Variants in XYLT1 observed in about 807,000 individuals in gnomAD.
The protein encoded by XYLT1 is xylosyltransferase 1, also known as beta-D-xylosyltransferase 1.
XYLT1 carries 36 observed loss-of-function variants against 91.3 expected under a neutral mutation model. The observed-to-expected ratio is 0.39, with a 90% CI of 0.30 to 0.52. The LOEUF (loss-of-function observed/expected upper bound fraction) is 0.52. Among genes scored for constraint, XYLT1 ranks in the 20% least tolerant of loss-of-function variants. The pLI is 0.68. For synonymous variants in XYLT1, 588 were observed against 532.0 expected (o/e 1.11, Z -1.45); for missense variants, 1,242 against 1,284.5 (o/e 0.97, Z 0.51).
chr16:17,292,242 G>A (rs1409832558), intron 2 of XYLT1, among the ~76,000 whole-genome samples: 2 of 152,004 alleles, frequency 1.3e-5, no homozygotes, highest in Non-Finnish European at 2.9e-5. Context: ...GGTTTTATGA[G>A]AGATATGACC....
intron 1 of XYLT1, among the ~76,000 whole-genome samples, chr16:17,465,233 A>C (rs1015996097): frequency 6.6e-6 from 1 of 151,294 alleles, no homozygotes; most frequent in Admixed American, 6.6e-5. Flanking sequence ...AAGGAACGCA[A>C]CTCGGAAAGG....
chr16:17,399,138 A>G (rs75866801), intron 1 of XYLT1, among the ~76,000 whole-genome samples: 3 of 152,078 alleles, frequency 2.0e-5, no homozygotes, highest in Admixed American at 6.5e-5. Flanking sequence ...TCAACTTCCA[A>G]TGTACTGGAA....
chr16:17,374,095 A>C (rs981627281), intron 1 of XYLT1, among the ~76,000 whole-genome samples: 50 of 152,232 alleles, frequency 3.3e-4, no homozygotes, highest in Admixed American at 2.0e-4. Context: ...TGGCTGCCAA[A>C]GAATGAGTGA....
chr16:17,470,423 G>A lies in XYLT1; in HGVS notation c.363+11C>T. 8.1e-7 allele frequency: 1 copy of A among 1,228,900 alleles called. No individual in the cohort carries two copies. Among genetic ancestry groups the A allele is most frequent in the Non-Finnish European group, 1.0e-6 (1 of 985,472 alleles). 76.1% of individuals were successfully genotyped at this position (1,228,900 alleles called of 1,614,324 possible). A position where few individuals can be genotyped will look rare whatever the true frequency, so the allele number is the denominator to read the frequency against. ...CCTCGCCGCGGGGCGCGAGCCGAAA[G>A]GGCATCTTACCAGAGCCCGGGCGGG... On this transcript the variant is annotated intron_variant, in intron 1 of 11. Coordinates refer to ENST00000261381, the MANE Select transcript of XYLT1 (RefSeq NM_022166.4).
chr16:17,140,689 A>C (rs1174974391), intron 7 of XYLT1, among the ~76,000 whole-genome samples: 1 of 123,384 alleles, frequency 8.1e-6, no homozygotes, highest in African/African-American at 3.0e-5. Flanking sequence ...AAAAAAAAAA[A>C]AAGTTGATGT....
chr16:17,437,167 T>C (rs952167147), intron 1 of XYLT1, among the ~76,000 whole-genome samples: 2 of 152,074 alleles, frequency 1.3e-5, no homozygotes, highest in African/African-American at 4.8e-5. Flanking sequence ...TTAGACTACA[T>C]TTGGAACACT....
chr16:17,165,166 A>G (rs1039435714), intron 5 of XYLT1, among the ~76,000 whole-genome samples: 1 of 152,248 alleles, frequency 6.6e-6, no homozygotes, highest in African/African-American at 2.4e-5. Context: ...CATCATCATC[A>G]TCTAACACTT....
In XYLT1 at chr16:17,352,102, C is replaced by T. The variant is rs545074043; in HGVS notation, c.402+5910G>A. Among the ~76,000 whole-genome samples the T allele has an allele frequency of 2.0e-5, 3 of 152,254 alleles. 1 individual carries two copies. In the South Asian group the frequency reaches 6.2e-4, roughly 32 times the overall value. On this transcript the variant is annotated intron_variant, in intron 2 of 11. Coordinates refer to ENST00000261381, the MANE Select transcript of XYLT1 (RefSeq NM_022166.4). ...GTCACTGCACTTCCAGCCTGGTTGA[C>T]AGAGTGACAGAGCAAGACTCTCTCA...
intron 1 of XYLT1, among the ~76,000 whole-genome samples, chr16:17,366,774 T>A (rs1032685507): frequency 4.6e-5 from 7 of 152,120 alleles, no homozygotes; most frequent in Non-Finnish European, 7.4e-5. Context: ...TTACAGATGG[T>A]GTAATTGAGG....
chr16:17,443,829 C>A (rs559300562), intron 1 of XYLT1, among the ~76,000 whole-genome samples: 1 of 152,290 alleles, frequency 6.6e-6, no homozygotes, highest in South Asian at 2.1e-4. Context: ...CATATCTAGA[C>A]TAGAGGGTTT....
Position 17,108,364 on chromosome 16 carries a change from C to A in XYLT1, c.*331G>T, listed in dbSNP as rs116076710. 5,267 of 259,710 alleles carry A rather than the reference C, an allele frequency of 0.02. 162 individuals carry two copies. Among genetic ancestry groups the A allele is most frequent in the South Asian group, 0.087 (559 of 6,400 alleles). The allele number at this position is 259,710 out of a possible 1,614,324, so 16.1% of individuals were successfully genotyped here. A position where few individuals can be genotyped will look rare whatever the true frequency, so the allele number is the denominator to read the frequency against. ...GCTCCGTAAACGAAGTTCTGCTGCT[C>A]GAAAGAAAAGTCTGAAAATCACACG... On this transcript the variant is annotated 3_prime_UTR_variant, in exon 12 of 12. Coordinates refer to ENST00000261381, the MANE Select transcript of XYLT1 (RefSeq NM_022166.4).
intron 5 of XYLT1, among the ~76,000 whole-genome samples, chr16:17,189,994 C>A (rs536265487): frequency 6.6e-5 from 10 of 152,244 alleles, no homozygotes; most frequent in Non-Finnish European, 1.5e-4. Context: ...TGCAGTGAGC[C>A]AAGATCGTGC....
chr16:17,338,651 G>A (rs546144316), intron 2 of XYLT1: 70 of 375,922 alleles, frequency 1.9e-4, no homozygotes, highest in African/African-American at 9.7e-4. Context: ...ACGGAGTCTC[G>A]CTCTGTTGCC....
intron 1 of XYLT1, among the ~76,000 whole-genome samples, chr16:17,455,540 C>T (rs2036729038): frequency 6.6e-6 from 1 of 151,668 alleles, no homozygotes; most frequent in East Asian, 1.9e-4. Flanking sequence ...CACTTGAGGT[C>T]AGAAGTCCGA....
intron 10 of XYLT1, among the ~76,000 whole-genome samples, chr16:17,124,800 C>A (rs938685199): frequency 1.2e-3 from 25 of 21,516 alleles, no homozygotes; most frequent in East Asian, 2.1e-3. Context: ...TTTAAAAATT[C>A]TTTTTTGTGT....
chr16:17,337,230 C>G (rs942613069), intron 2 of XYLT1, among the ~76,000 whole-genome samples: 4 of 152,138 alleles, frequency 2.6e-5, no homozygotes, highest in Non-Finnish European at 5.9e-5. Flanking sequence ...CTCTGTCACC[C>G]AGGCTAAAGT....
intron 3 of XYLT1, among the ~76,000 whole-genome samples, chr16:17,247,680 G>T (rs907757125): frequency 1.3e-5 from 2 of 152,166 alleles, no homozygotes; most frequent in African/African-American, 4.8e-5. Flanking sequence ...TGGCAGAGGG[G>T]CCGCAAGTCT....
Position 17,200,494 on chromosome 16 carries a change from G to T in XYLT1, c.1074C>A (p.Ile358=), listed in dbSNP as rs538990630. 4.3e-6 allele frequency: 7 copies of T among 1,613,410 alleles called. No individual in the cohort carries two copies. The South Asian group carries it at 6.6e-5, about 15-fold the overall frequency. ...AIYHKDHFYY[I]HVDKRSNYLH... Reference sequence around the variant, plus strand: ...AGAGGCCTCTCACCTTGTCCACGTGGATGTAGTAGAAGTGGTCTTTGTGGT... The same window carrying T: ...AGAGGCCTCTCACCTTGTCCACGTGTATGTAGTAGAAGTGGTCTTTGTGGT... The change falls in exon 4 of 12, where the codon ATC becomes ATA. Residue 358 remains isoleucine (I), a synonymous_variant. Coordinates refer to ENST00000261381, the MANE Select transcript of XYLT1 (RefSeq NM_022166.4).
intron 1 of XYLT1, among the ~76,000 whole-genome samples, chr16:17,392,243 A>G (rs748443227): frequency 1.3e-5 from 2 of 152,156 alleles, no homozygotes; most frequent in Admixed American, 6.5e-5. Context: ...TCTGTGCTCC[A>G]GCACCGATGG....
Sources: allele counts gnomAD v4.1 joint callset (sites outside exome capture counted in the v4.1 genomes callset), GRCh38; gene constraint gnomAD v4.1.1; transcripts MANE v1.5; gene names NCBI Gene and HGNC (gene_info 2026-07-23, HGNC 2026-07-21).